The following KIFAP3 variants were observed in gnomAD, a reference collection of about 807,000 sequenced individuals.
KIFAP3 encodes the protein kinesin associated protein 3, also known as kinesin-associated protein 3.
In KIFAP3, 68 loss-of-function variants were observed where a neutral mutation model predicts 106.5. The observed-to-expected ratio is 0.64, with a 90% CI of 0.53 to 0.78. The LOEUF (loss-of-function observed/expected upper bound fraction) is 0.78. KIFAP3 is among the 30% of genes least tolerant of loss of function. The probability of loss-of-function intolerance (pLI) is 0.00; values close to 1 mark genes in which losing one functional copy is unlikely to be tolerated. For missense variants in KIFAP3, 780 were observed against 941.8 expected (o/e 0.83, Z 2.25); for synonymous variants, 320 against 311.5 (o/e 1.03, Z -0.29).
chr1:169,936,155 T>C (rs144972030), intron 19 of KIFAP3, among the ~76,000 whole-genome samples: 122 of 152,028 alleles, frequency 8.0e-4, no homozygotes, highest in African/African-American at 2.7e-3. Context: ...TCAATAGCTA[T>C]GATGTCAGTG....
chr1:169,987,478 C>T (rs1240910300), intron 11 of KIFAP3, among the ~76,000 whole-genome samples: 1 of 152,026 alleles, frequency 6.6e-6, no homozygotes, highest in East Asian at 1.9e-4. Context: ...ATCCCCTACC[C>T]AAACATCTTT....
At chr1:170,041,932 T>C (rs754833799) in intron 3 of KIFAP3, 3 of 1,198,358 alleles carry the variant, frequency 2.5e-6, no homozygotes, top group Non-Finnish European at 1.1e-6. Flanking sequence ...GCGATTTCGT[T>C]TCAGTTATGA....
At position 169,982,878 on chromosome 1, in the gene KIFAP3, C is replaced by G. The variant is rs367574995; in HGVS notation, c.1507-11G>C. On this transcript the variant is annotated splice_polypyrimidine_tract_variant and intron_variant, in intron 13 of 19. Transcript: ENST00000361580. ...GTCCCCAACATAATCCTGAATAAAA[C>G]ATAATTTTAATATAAATTTAAATTA... 24 of 1,307,818 alleles carry G rather than the reference C, an allele frequency of 1.8e-5. No homozygotes were observed. The highest frequency in any genetic ancestry group is 2.1e-5 in the Non-Finnish European group (21 of 994,726). 81.0% of individuals were successfully genotyped at this position (1,307,818 alleles called of 1,614,324 possible).
At chr1:169,937,971 G>C (rs1663901830) in intron 19 of KIFAP3, among the ~76,000 whole-genome samples, 1 of 151,778 alleles carries the variant, frequency 6.6e-6, no homozygotes, top group African/African-American at 2.4e-5. Context: ...ATTCTAGTCA[G>C]TTGGTTATTG....
At chr1:169,984,430 T>G (rs1233312015) in intron 12 of KIFAP3, 152 bp downstream of exon 12, 9 of 418,438 alleles carry the variant, frequency 2.2e-5, no homozygotes, top group Non-Finnish European at 3.4e-5. Context: ...AAGAATATTC[T>G]ATCTGACCTT....
At chr1:170,063,132 G>A (rs1402459303) in intron 1 of KIFAP3, among the ~76,000 whole-genome samples, 1 of 152,094 alleles carries the variant, frequency 6.6e-6, no homozygotes, top group African/African-American at 2.4e-5. Flanking sequence ...CCTAAATTCT[G>A]CTAAGCCAGT....
intron 2 of KIFAP3, among the ~76,000 whole-genome samples, chr1:170,052,916 C>T (rs938524285): frequency 1.3e-5 from 2 of 152,110 alleles, no homozygotes; most frequent in South Asian, 4.1e-4. Flanking sequence ...GGAAGGATTC[C>T]CTTTGAAAAC....
In KIFAP3 at chr1:170,057,667, C is replaced by T. The variant is rs530911445; in HGVS notation, c.33-2231G>A. Among the ~76,000 whole-genome samples the T allele has an allele frequency of 6.0e-5, 9 of 151,040 alleles. No homozygotes were observed. In the East Asian group the frequency reaches 1.7e-3, roughly 29 times the overall value. On this transcript the variant is annotated intron_variant, in intron 1 of 19. Coordinates refer to ENST00000361580, the MANE Select transcript of KIFAP3 (RefSeq NM_014970.4). Reference sequence around the variant, plus strand: ...TGAAACTATCATTTTATCTTAAATGCTGAACTTTCAAGCTGAGTAGCATTC... The same window carrying T: ...TGAAACTATCATTTTATCTTAAATGTTGAACTTTCAAGCTGAGTAGCATTC...
intron 5 of KIFAP3, among the ~76,000 whole-genome samples, chr1:170,036,654 ATTTG>A (rs1466210187): frequency 6.6e-6 from 1 of 152,140 alleles, no homozygotes; most frequent in Non-Finnish European, 1.5e-5. Context: ...TCCCAAAGGT[ATTTG>A]ACCATTATAA....
At chr1:169,961,804 C>T (rs1397908134) in intron 17 of KIFAP3, among the ~76,000 whole-genome samples, 1 of 152,120 alleles carries the variant, frequency 6.6e-6, no homozygotes, top group Non-Finnish European at 1.5e-5. Flanking sequence ...CTTTCTCTAG[C>T]TTACATTATT....
intron 19 of KIFAP3, among the ~76,000 whole-genome samples, chr1:169,932,191 T>C (rs564970240): frequency 2.0e-5 from 3 of 152,272 alleles, no homozygotes; most frequent in African/African-American, 7.2e-5. Flanking sequence ...CTTATACTGT[T>C]TGGGGAACTA....
chr1:170,024,274 A>C (rs538506551), intron 9 of KIFAP3, 144 bp downstream of exon 9: 5 of 502,104 alleles, frequency 1.0e-5, no homozygotes, highest in Non-Finnish European at 1.7e-5. Flanking sequence ...TTCTTAATGA[A>C]GCAATATCAG....
At chr1:170,025,401 C>T (rs1055878001) in intron 8 of KIFAP3, among the ~76,000 whole-genome samples, 1 of 151,968 alleles carries the variant, frequency 6.6e-6, no homozygotes, top group Non-Finnish European at 1.5e-5. Flanking sequence ...CTCTTGTGGC[C>T]TCATTGTTTT....
Position 169,983,273 on chromosome 1 carries a change from A to C in KIFAP3, c.1503T>G (p.Phe501Leu). 6.3e-7 allele frequency: 1 copy of C among 1,577,044 alleles called. No individual in the cohort carries two copies. ...AGAAAGCCAAAATGATACTTACAAT[A>C]AACAGATTTTTAGTTGGTCCATCAT... The part of the protein sequence containing the change: ...SQHDGPTKNL[F>L]IDYVGDLAAQ... The change falls in exon 13 of 20, where the codon TTT becomes TTG. Residue 501 changes from phenylalanine (F) to leucine (L), a missense_variant. Physicochemically the swap from Phe to Leu is conservative, Grantham distance 22 (BLOSUM62 0). Coordinates refer to ENST00000361580, the MANE Select transcript of KIFAP3 (RefSeq NM_014970.4).
intron 1 of KIFAP3, among the ~76,000 whole-genome samples, chr1:170,060,686 A>G (rs1401629389): frequency 1.3e-5 from 2 of 152,234 alleles, no homozygotes; most frequent in African/African-American, 2.4e-5. Context: ...GAACCAAAAA[A>G]CAGCCCGCAT....
intron 8 of KIFAP3, 50 bp from the exon 9 acceptor site, chr1:170,024,646 T>C (rs756687828): frequency 8.9e-7 from 1 of 1,126,094 alleles, no homozygotes; most frequent in South Asian, 2.1e-5. Flanking sequence ...ACTGAATTAA[T>C]AATTTAGAAA....
At chr1:169,960,283 A>AATCG (rs1376667094) in intron 18 of KIFAP3, among the ~76,000 whole-genome samples, 1 of 151,988 alleles carries the variant, frequency 6.6e-6, no homozygotes, top group Non-Finnish European at 1.5e-5. Context: ...AGATATAATC[A>AATCG]CCTTAATGAT....
At position 169,984,705 on chromosome 1, in the gene KIFAP3, A is replaced by C. The variant is rs765541428; in HGVS notation, c.1285-15T>G. 2.8e-6 allele frequency: 4 copies of C among 1,420,956 alleles called. No homozygotes were observed. The highest frequency in any genetic ancestry group is 3.9e-6 in the Non-Finnish European group (4 of 1,014,000). The allele number at this position is 1,420,956 out of a possible 1,614,324, so 88.0% of individuals were successfully genotyped here. On this transcript the variant is annotated splice_polypyrimidine_tract_variant and intron_variant, in intron 11 of 19. Transcript: ENST00000361580. ...ATCTTCATTAACTAGCAAGAAGCAC[A>C]GGGCACATTTTACTCAAGAAACAAA... is the stretch of plus-strand genomic sequence containing the variant.
intron 3 of KIFAP3, 98 bp from the exon 4 acceptor site, chr1:170,039,386 G>A (rs1407612683): frequency 8.2e-6 from 5 of 606,398 alleles, no homozygotes; most frequent in Non-Finnish European, 1.5e-5. Flanking sequence ...GGTAAACTGG[G>A]GATATTAAAA....
Sources: allele counts gnomAD v4.1 joint callset (sites outside exome capture counted in the v4.1 genomes callset), GRCh38; gene constraint gnomAD v4.1.1; transcripts MANE v1.5; gene names NCBI Gene and HGNC (gene_info 2026-07-23, HGNC 2026-07-21).